The following WDR45 variants were observed in gnomAD, a reference collection of about 807,000 sequenced individuals.
WDR45 encodes the protein WD repeat domain 45.
Under a neutral mutation model 27.3 loss-of-function variants are expected in WDR45, and 2 were observed. That is an observed-to-expected ratio of 0.07 (90% CI 0.03 to 0.23). The LOEUF (loss-of-function observed/expected upper bound fraction) is 0.23, where lower values mean the gene tolerates loss of function less well. Among genes scored for constraint, WDR45 ranks in the 10% least tolerant of loss-of-function variants. The pLI is 1.00. For missense variants in WDR45, 175 were observed against 311.9 expected, an observed-to-expected ratio of 0.56 and a Z score of 3.31; for synonymous variants, 99 against 119.2, an observed-to-expected ratio of 0.83 and a Z score of 1.11.
At chrX:49,081,841 G>A (rs1199446992), upstream of WDR45, among the ~76,000 whole-genome samples, 2 of 106,645 alleles carry the variant, frequency 1.9e-5, no homozygotes, top group African/African-American at 6.9e-5. Flanking sequence ...AAAATTAGCC[G>A]GGCGTGGTGG....
At chrX:49,092,400 A>C (rs1327142895) in intron 2 of WDR45, among the ~76,000 whole-genome samples, 1 of 109,271 alleles carries the variant, frequency 9.2e-6, no homozygotes, top group Non-Finnish European at 1.9e-5. Flanking sequence ...TGTTTCTTGG[A>C]CCAATTTTTT....
intron 9 of WDR45, 36 bp downstream of exon 9, chrX:49,075,328 G>T: frequency 8.3e-7 from 1 of 1,208,583 alleles, no homozygotes; most frequent in African/African-American, 1.7e-5. Flanking sequence ...TGGGCAGGGG[G>T]ACAGGGACAC....
At chrX:49,086,908 T>A (rs2065088150) in intron 2 of WDR45, among the ~76,000 whole-genome samples, 1 of 110,175 alleles carries the variant, frequency 9.1e-6, no homozygotes, top group African/African-American at 3.3e-5. Flanking sequence ...TTTTTCTTTT[T>A]TAGAGACAGG....
Position 49,076,444 on chromosome X carries a change from C to A in WDR45, c.422G>T (p.Arg141Leu). The A allele has an allele frequency of 8.3e-7, 1 of 1,211,721 alleles. No individual in the cohort carries two copies. The highest frequency in any genetic ancestry group is 1.1e-6 in the Non-Finnish European group (1 of 895,438). Residue 141 changes from arginine (R) to leucine (L), a missense_variant, in exon 6 of 11, where the codon CGG (arginine) becomes CTG (leucine). Coordinates refer to ENST00000376372, the MANE Select transcript of WDR45 (RefSeq NM_001029896.2). ...AGCCCTCTCACCCTTGGGGTTGTCC[C>A]GGGTATCAAACTCAAACAGCTTTCG... ...NPRKLFEFDT[R>L]DNPKGLCDLC...
At chrX:49,099,641 C>T (rs2065138066) in intron 2 of WDR45, among the ~76,000 whole-genome samples, 2 of 109,164 alleles carry the variant, frequency 1.8e-5, no homozygotes, top group Admixed American at 9.9e-5. Flanking sequence ...ATTAACCGGG[C>T]GTGGTGGCGG....
chrX:49,082,513 G>A (rs1158127418), upstream of WDR45, among the ~76,000 whole-genome samples: 1 of 110,702 alleles, frequency 9.0e-6, no homozygotes, highest in South Asian at 3.8e-4. Flanking sequence ...GCTTTCTTCA[G>A]ACTCCACTTC....
chrX:49,077,630 T>C lies in WDR45; in HGVS notation c.235+13A>G, dbSNP rs2065045207. On this transcript the variant is annotated intron_variant, in intron 4 of 10. Coordinates refer to ENST00000376372, the MANE Select transcript of WDR45 (RefSeq NM_001029896.2). ...GAGAAATCTGGGCCAAAGGGCAGGA[T>C]GAGGGCACTTACCTGAGATCTCTGA... 1 of 1,181,801 alleles carries C rather than the reference T, an allele frequency of 8.5e-7. No individual in the cohort carries two copies. Among genetic ancestry groups the C allele is most frequent in the African/African-American group, 1.8e-5 (1 of 56,316 alleles).
intron 2 of WDR45, among the ~76,000 whole-genome samples, chrX:49,093,116 G>A (rs2065113063): frequency 9.1e-6 from 1 of 110,443 alleles, no homozygotes; most frequent in South Asian, 3.8e-4. Context: ...TTGTATTAGA[G>A]ACGGGGTTTC....
chrX:49,089,826 T>C (rs1443889264), intron 2 of WDR45, among the ~76,000 whole-genome samples: 1 of 104,683 alleles, frequency 9.6e-6, no homozygotes, highest in Non-Finnish European at 2.0e-5. Context: ...AAAAAAGAAG[T>C]ACTGTACTTA....
At chrX:49,078,537 A>G (rs782049165) in intron 1 of WDR45, among the ~76,000 whole-genome samples, 1 of 111,867 alleles carries the variant, frequency 8.9e-6, no homozygotes, top group East Asian at 2.8e-4. Context: ...GAAGAAAAAG[A>G]TAAAAACAGA....
At chrX:49,081,552 C>T (rs1366911118), upstream of WDR45, among the ~76,000 whole-genome samples, 1 of 104,153 alleles carries the variant, frequency 9.6e-6, no homozygotes, top group Non-Finnish European at 2.0e-5. Context: ...AAAAGCCGGG[C>T]GTGGTGACAC....
intron 2 of WDR45, among the ~76,000 whole-genome samples, chrX:49,092,648 G>A (rs1411235490): frequency 1.8e-5 from 2 of 111,665 alleles, no homozygotes; most frequent in Non-Finnish European, 1.9e-5. Context: ...TTTTTGTCAG[G>A]TGTTTGCTTT....
At chrX:49,080,072 G>A (rs1465761573), upstream of WDR45, 1 of 113,107 alleles carries the variant, frequency 8.8e-6, no homozygotes, top group Non-Finnish European at 1.9e-5. Flanking sequence ...GGAGGCGAAG[G>A]GGGTTCCTCA....
At chrX:49,099,925 A>G (rs1362174314) in intron 2 of WDR45, among the ~76,000 whole-genome samples, 1 of 110,472 alleles carries the variant, frequency 9.1e-6, no homozygotes. Flanking sequence ...GGCTGTTTTC[A>G]GCAGTGGAGG....
chrX:49,075,572 C>T lies in WDR45; in HGVS notation c.698G>A (p.Arg233Gln). 8.3e-7 allele frequency: 1 copy of T among 1,211,696 alleles called. No homozygotes were observed. Among genetic ancestry groups the T allele is most frequent in the Non-Finnish European group, 1.1e-6 (1 of 895,508 alleles). Residue 233 changes from arginine (R) to glutamine (Q), a missense_variant, in exon 8 of 11, where the codon CGA becomes CAA. Around this residue, in one of 3 missense-constraint regions of WDR45, gnomAD observed 71 missense variants for 123.0 expected, o/e 0.58. Coordinates refer to ENST00000376372, the MANE Select transcript of WDR45 (RefSeq NM_001029896.2). ...QSKEKLVELR[R>Q]GTDPATLYCI... ...GTAGAGGGTGGCAGGGTCAGTGCCTCGGCGCAGCTCCACCAGTTTCTCCTT... is the reference window on the plus strand; with the variant it reads ...GTAGAGGGTGGCAGGGTCAGTGCCTTGGCGCAGCTCCACCAGTTTCTCCTT...
At chrX:49,099,796 A>C (rs868914632) in intron 2 of WDR45, among the ~76,000 whole-genome samples, 1,530 of 95,804 alleles carry the variant, frequency 0.016, 151 homozygotes, top group African/African-American at 0.064. Flanking sequence ...AAAAAAAACA[A>C]AAAAAAACAA....
At position 49,075,690 on chromosome X, in the gene WDR45, C is replaced by T. The variant is rs1262226484; in HGVS notation, c.580G>A (p.Asp194Asn). ...APFTINAHQS[D>N]IACVSLNQPG... ...TGGTTTAGAGACACACAGGCTATGT[C>T]ACTCTGATGTGCATTGATCGTGAAT... Residue 194 changes from aspartate (D) to asparagine (N), a missense_variant, in exon 8 of 11, where the codon GAC (aspartate) becomes AAC (asparagine). Coordinates refer to ENST00000376372, the MANE Select transcript of WDR45 (RefSeq NM_001029896.2). 8.3e-7 allele frequency: 1 copy of T among 1,209,186 alleles called. No individual in the cohort carries two copies. Among genetic ancestry groups the T allele is most frequent in the Non-Finnish European group, 1.1e-6 (1 of 894,937 alleles).
At chrX:49,076,343 G>T in intron 6 of WDR45, 87 bp downstream of exon 6, 1 of 958,410 alleles carries the variant, frequency 1.0e-6, no homozygotes, top group Non-Finnish European at 1.5e-6. Flanking sequence ...CTGTGTGTGA[G>T]TGCCCCTTCC....
chrX:49,094,356 C>G (rs1011699895), intron 2 of WDR45, among the ~76,000 whole-genome samples: 4 of 110,905 alleles, frequency 3.6e-5, no homozygotes, highest in African/African-American at 1.3e-4. Context: ...GTAATCCCAG[C>G]TATTTAGGAG....
Sources: allele counts gnomAD v4.1 joint callset (sites outside exome capture counted in the v4.1 genomes callset), GRCh38; gene constraint gnomAD v4.1.1; regional missense constraint gnomAD v4.1.1; transcripts MANE v1.5; gene names NCBI Gene and HGNC (gene_info 2026-07-23, HGNC 2026-07-21).